HECTD4: variants seen among roughly 807,000 people sequenced by gnomAD.
HECTD4 encodes probable E3 ubiquitin-protein ligase HECTD4.
HECTD4 carries 114 observed loss-of-function variants against 471.5 expected under a neutral mutation model. The observed-to-expected ratio is 0.24, with a 90% CI of 0.21 to 0.28. HECTD4 has a LOEUF of 0.28. Ranked by LOEUF, HECTD4 falls within the 10% of genes least tolerant of loss-of-function variation. HECTD4 has a pLI of 1.00. For synonymous variants in HECTD4, 2,012 were observed against 2,256.0 expected, an observed-to-expected ratio of 0.89 and a Z score of 3.07; for missense variants, 3,866 against 5,651.5, an observed-to-expected ratio of 0.68 and a Z score of 10.13.
At chr12:112,192,879 C>G (rs961484980) in intron 58 of HECTD4, 114 bp from the exon 59 acceptor site, 2 of 1,205,388 alleles carry the variant, frequency 1.7e-6, no homozygotes, top group African/African-American at 3.1e-5. Context: ...CAAGTCATTT[C>G]CACCACACTT....
At chr12:112,353,693 G>A (rs1253636185) in intron 1 of HECTD4, among the ~76,000 whole-genome samples, 1 of 152,062 alleles carries the variant, frequency 6.6e-6, no homozygotes, top group Non-Finnish European at 1.5e-5. Context: ...TGGGTGTGGT[G>A]GGAAACTACA....
chr12:112,267,775 TTTTTC>T (rs1003452001), intron 13 of HECTD4, among the ~76,000 whole-genome samples: 2 of 152,136 alleles, frequency 1.3e-5, no homozygotes, highest in African/African-American at 2.4e-5. Flanking sequence ...ATCAGAATCT[TTTTTC>T]TTTTCATTAA....
At chr12:112,246,096 CA>C (rs1244751050) in intron 29 of HECTD4, among the ~76,000 whole-genome samples, 2 of 151,328 alleles carry the variant, frequency 1.3e-5, no homozygotes, top group Non-Finnish European at 2.9e-5. Context: ...TGTGCCACCG[CA>C]CTCCAGCCTG....
chr12:112,220,928 G>T (rs1185520498), intron 44 of HECTD4, among the ~76,000 whole-genome samples: 1 of 152,162 alleles, frequency 6.6e-6, no homozygotes, highest in Non-Finnish European at 1.5e-5. Context: ...CAGCCTGGGA[G>T]ACATAGTGAG....
Position 112,184,097 on chromosome 12 carries a change from T to C in HECTD4, c.10779+90A>G, listed in dbSNP as rs1161039353. The C allele has an allele frequency of 7.8e-7, 1 of 1,287,428 alleles. No individual in the cohort carries two copies. The highest frequency in any genetic ancestry group is 1.1e-6 in the Non-Finnish European group (1 of 923,010). The allele number at this position is 1,287,428 out of a possible 1,614,324, so 79.8% of individuals were successfully genotyped here. A position where few individuals can be genotyped will look rare whatever the true frequency, so the allele number is the denominator to read the frequency against. On this transcript the variant is annotated intron_variant, in intron 61 of 75. Transcript: ENST00000682272. This position sits in a 1 kb window ranked among gnomAD's most constrained non-coding sequence, Gnocchi z 9.1. ...AGCCCCCAACCGCTCCACCATTACC[T>C]ACTAGGAAATAACTTTGGAAGATTT...
At chr12:112,290,972 C>T (rs563255198) in intron 7 of HECTD4, among the ~76,000 whole-genome samples, 27 of 151,956 alleles carry the variant, frequency 1.8e-4, no homozygotes, top group Non-Finnish European at 3.7e-4. Flanking sequence ...ATTCTGCTCA[C>T]TTTTTTACCA....
intron 7 of HECTD4, among the ~76,000 whole-genome samples, chr12:112,294,835 G>A (rs926868423): frequency 6.6e-6 from 1 of 152,034 alleles, no homozygotes; most frequent in Non-Finnish European, 1.5e-5. Flanking sequence ...TTTCTAAAAA[G>A]CCCATTGTTA....
chr12:112,306,726 G>GA (rs1037590791), intron 6 of HECTD4, among the ~76,000 whole-genome samples: 1 of 151,768 alleles, frequency 6.6e-6, no homozygotes, highest in Non-Finnish European at 1.5e-5. Flanking sequence ...TGAAAAGAAG[G>GA]AAAAAAGAGA....
At chr12:112,375,272 A>G (rs2036755667) in intron 1 of HECTD4, among the ~76,000 whole-genome samples, 1 of 152,150 alleles carries the variant, frequency 6.6e-6, no homozygotes, top group Admixed American at 6.5e-5. Flanking sequence ...TGGATGTACC[A>G]CATTTGTTTA....
At position 112,217,170 on chromosome 12, in the gene HECTD4, G is replaced by A. The variant is rs2032941605; in HGVS notation, c.7100C>T (p.Ser2367Leu). The change falls in exon 46 of 76, where the codon TCG (serine) becomes TTG (leucine). Residue 2367 changes from serine to leucine, a missense_variant. This residue lies in a region of HECTD4 where 617 missense variants were observed against 915.1 expected (regional missense o/e 0.67). Transcript: ENST00000682272. ...GGCTCGAACAGGCGGAAACACTCGC[G>A]AGGGGCTCCAAGTAATCTCTTTGGG... The part of the protein sequence containing the change: ...RQPKEITWSP[S>L]RVFPPVRACM... 2 of 1,531,676 alleles carry A rather than the reference G, an allele frequency of 1.3e-6. No individual in the cohort carries two copies. The highest frequency in any genetic ancestry group is 1.8e-6 in the Non-Finnish European group (2 of 1,140,022). 94.9% of individuals were successfully genotyped at this position (1,531,676 alleles called of 1,614,324 possible).
rs2031565989 is a variant in HECTD4 at position 112,178,977 on chromosome 12, T to C, written c.11317A>G (p.Ile3773Val). ...PVKVVSTKRP[I>V]TKPPAKDKAV... ...TTGTCCTTGGCGGGCGGCTTGGTGATAGGCCGCTTGGTGCTCACCACCTTC... is the reference window on the plus strand; with the variant it reads ...TTGTCCTTGGCGGGCGGCTTGGTGACAGGCCGCTTGGTGCTCACCACCTTC... Residue 3773 changes from isoleucine (I) to valine (V), a missense_variant, in exon 64 of 76, where the codon ATC becomes GTC. Ile to Val is a conservative substitution (Grantham distance 29). This residue lies in a region of HECTD4 where 715 missense variants were observed against 1,087.6 expected (regional missense o/e 0.66). Transcript: ENST00000682272. The C allele has an allele frequency of 6.2e-7, 1 of 1,612,938 alleles. No homozygotes were observed. Among genetic ancestry groups the C allele is most frequent in the African/African-American group, 1.3e-5 (1 of 74,944 alleles).
At position 112,226,192 on chromosome 12, in the gene HECTD4, TAC is replaced by T. The variant is rs58470224; in HGVS notation, c.6970+449_6970+450del. On this transcript the variant is annotated intron_variant, in intron 44 of 75. Transcript: ENST00000682272. ...CAATTTTGGTATTTGGACTTTTCCA[TAC>T]ACACACACACACACTCACACACACA... is the stretch of plus-strand genomic sequence containing the variant. 1.3e-3 allele frequency among the ~76,000 whole-genome samples: 198 copies of T among 150,372 alleles called. 3 individuals carry two copies. Among genetic ancestry groups the T allele is most frequent in the Admixed American group, 9.3e-4 (14 of 15,032 alleles).
In HECTD4 at chr12:112,210,035, G is replaced by A; in HGVS notation, c.7847C>T (p.Ala2616Val). Reference protein sequence around the residue: ...GTHGPPCRIAAVATAQQQYDS... With the variant: ...GTHGPPCRIAVVATAQQQYDS... ...CTTACGTTGCTGAGCGGTGGCCACG[G>A]CAGCAATCCGGCATGGTGGCCCATG... The change falls in exon 50 of 76, where the codon GCC becomes GTC. Residue 2616 changes from alanine (A) to valine (V), a missense_variant. This residue lies in a region of HECTD4 where 266 missense variants were observed against 441.6 expected (regional missense o/e 0.60). Transcript: ENST00000682272. The A allele has an allele frequency of 6.2e-7, 1 of 1,613,608 alleles. No individual in the cohort carries two copies. Among genetic ancestry groups the A allele is most frequent in the East Asian group, 2.2e-5 (1 of 44,870 alleles).
At chr12:112,230,878 G>C in intron 39 of HECTD4, 56 bp from the exon 40 acceptor site, 1 of 1,540,670 alleles carries the variant, frequency 6.5e-7, no homozygotes. Context: ...AGACTGCAGG[G>C]AAGTGGCTTT....
rs765558417 is a variant in HECTD4, at chr12:112,229,894, C to G, written c.6337-14G>C. On this transcript the variant is annotated splice_polypyrimidine_tract_variant and intron_variant, in intron 40 of 75. Transcript: ENST00000682272. The stretch of plus-strand genomic sequence containing the variant: ...TCTAGACAGAACCTAAATATAGAAG[C>G]AGCCCGTGCACTAGGAGTTAAAGCT... 6.2e-7 allele frequency: 1 copy of G among 1,604,196 alleles called. No homozygotes were observed. Among genetic ancestry groups the G allele is most frequent in the East Asian group, 2.2e-5 (1 of 44,620 alleles).
intron 22 of HECTD4, 67 bp downstream of exon 22, chr12:112,253,976 A>T (rs2033952321): frequency 6.4e-7 from 1 of 1,562,872 alleles, no homozygotes; most frequent in African/African-American, 1.4e-5. Flanking sequence ...TACAGTTAGT[A>T]CTTGGACCTG....
In HECTD4 at chr12:112,184,949, G is replaced by A. The variant is rs777310665; in HGVS notation, c.10017C>T (p.Thr3339=). The change falls in exon 61 of 76, where the codon ACC becomes ACT. Residue 3339 remains threonine (T), a synonymous_variant. Transcript: ENST00000682272. The surrounding 1 kb of genome is among the most constrained non-coding windows in gnomAD (Gnocchi z 9.1). ...GCTTGCTGCCTCCGATGCTGAGCACGGTGGGGTCCGAGTCCACGGTGCGGG... is the reference window on the plus strand; with the variant it reads ...GCTTGCTGCCTCCGATGCTGAGCACAGTGGGGTCCGAGTCCACGGTGCGGG... ...QSSRTVDSDP[T]VLSIGGSKPE... is the part of the protein sequence containing the mutation. The A allele has an allele frequency of 4.2e-5, 67 of 1,613,768 alleles. No homozygotes were observed. Among genetic ancestry groups the A allele is most frequent in the Non-Finnish European group, 5.3e-5 (63 of 1,179,870 alleles).
At chr12:112,376,407 C>T (rs896514669) in intron 1 of HECTD4, among the ~76,000 whole-genome samples, 7 of 152,012 alleles carry the variant, frequency 4.6e-5, no homozygotes, top group Admixed American at 1.3e-4. Context: ...CCACCACGCC[C>T]GGCTAATTTT....
chr12:112,221,927 CTTT>C (rs755864566), intron 44 of HECTD4, among the ~76,000 whole-genome samples: 2 of 134,514 alleles, frequency 1.5e-5, no homozygotes. Flanking sequence ...GCTGATTTTT[CTTT>C]TTTTTTTTTT....
Sources: gnomAD v4.1 joint callset for allele counts (sites outside exome capture counted in the v4.1 genomes callset) on GRCh38, gnomAD v4.1.1 for gene constraint, gnomAD v4.1.1 regional missense constraint, Gnocchi (gnomAD v3.1) non-coding constraint, MANE v1.5 for transcripts, NCBI Gene and HGNC (gene_info 2026-07-23, HGNC 2026-07-21) for gene names.